The following ANKRD17 variants were observed in gnomAD, a reference collection of about 807,000 sequenced individuals.
ANKRD17 encodes ankyrin repeat domain-containing protein 17.
In ANKRD17, 19 loss-of-function variants were observed where a neutral mutation model predicts 229.7. The observed-to-expected ratio is 0.08, with a 90% CI of 0.06 to 0.12. The LOEUF (loss-of-function observed/expected upper bound fraction) is 0.12, where lower values mean the gene tolerates loss of function less well. Ranked by LOEUF, ANKRD17 falls within the 10% of genes least tolerant of loss-of-function variation. The pLI, the probability that ANKRD17 is intolerant of heterozygous loss-of-function variation, is 1.00. For missense variants in ANKRD17, 2,176 were observed against 3,176.8 expected (o/e 0.68, Z 7.57); for synonymous variants, 1,112 against 1,146.1 (o/e 0.97, Z 0.60).
At chr4:73,129,583 G>A (rs538321520) in intron 16 of ANKRD17, among the ~76,000 whole-genome samples, 5 of 152,118 alleles carry the variant, frequency 3.3e-5, no homozygotes, top group Non-Finnish European at 1.5e-5. Flanking sequence ...CAGAAGTGGT[G>A]TGCAATGCCT....
intron 1 of ANKRD17, among the ~76,000 whole-genome samples, chr4:73,197,530 T>C (rs900827691): frequency 6.6e-6 from 1 of 152,126 alleles, no homozygotes; most frequent in Non-Finnish European, 1.5e-5. Context: ...AAGAGAATCC[T>C]GTAAAAAGCA....
chr4:73,258,372 T>C lies in ANKRD17; in HGVS notation c.297A>G (p.Gly99=). Reference sequence around the variant, plus strand: ...CGCCACCTCCGCCTCCACCGCCGCCTCCACCGCCGCCGCTGTTGTCGCTGT... The same window carrying C: ...CGCCACCTCCGCCTCCACCGCCGCCCCCACCGCCGCCGCTGTTGTCGCTGT... The part of the protein sequence containing the change: ...SSDSDNSGGG[G]GGGGGGGGGG... The change falls in exon 1 of 34, where the codon GGA becomes GGG. Residue 99 remains glycine, a synonymous_variant. Transcript: ENST00000358602. The C allele has an allele frequency of 1.3e-6, 2 of 1,592,170 alleles. No individual in the cohort carries two copies. Among genetic ancestry groups the C allele is most frequent in the Non-Finnish European group, 1.7e-6 (2 of 1,167,392 alleles).
rs555338668 is a variant in ANKRD17, at chr4:73,100,653, C to T, written c.4573+1723G>A. Among the ~76,000 whole-genome samples the T allele has an allele frequency of 1.2e-4, 18 of 152,104 alleles. No individual in the cohort carries two copies. In the South Asian group the frequency reaches 3.5e-3, roughly 30 times the overall value. On this transcript the variant is annotated intron_variant, in intron 25 of 33. Transcript: ENST00000358602. Reference sequence around the variant, plus strand: ...AATCAAGTATCTGGGGGTGATTTCACATGATATGTATAGCTTACCTCAAAC... The same window carrying T: ...AATCAAGTATCTGGGGGTGATTTCATATGATATGTATAGCTTACCTCAAAC...
At chr4:73,077,180 T>C (rs1369831940) in intron 32 of ANKRD17, 76 bp from the exon 33 acceptor site, 2 of 1,438,432 alleles carry the variant, frequency 1.4e-6, no homozygotes, top group South Asian at 1.5e-5. Context: ...AGCCTTAAAA[T>C]TGATATTTGA....
intron 24 of ANKRD17, among the ~76,000 whole-genome samples, chr4:73,110,612 A>C (rs908026930): frequency 2.0e-5 from 3 of 152,262 alleles, no homozygotes; most frequent in South Asian, 2.1e-4. Context: ...AGAATGTAAT[A>C]TATCTCAAAA....
chr4:73,139,737 T>C lies in ANKRD17; in HGVS notation c.2879A>G (p.Gln960Arg), dbSNP rs756149239. The change falls in exon 15 of 34, where the codon CAA becomes CGA. Residue 960 changes from glutamine (Q) to arginine (R), a missense_variant. Coordinates refer to ENST00000358602, the MANE Select transcript of ANKRD17 (RefSeq NM_032217.5). ...GGGACCTGCCGCCAGAGGCAAAGCT[T>C]GAGGCATCGCCAGAGGCTGGATTGG... ...FAPIQPLAMP[Q>R]ALPLAAGPLP... 2 of 1,614,164 alleles carry C rather than the reference T, an allele frequency of 1.2e-6. No individual in the cohort carries two copies. Among genetic ancestry groups the C allele is most frequent in the Admixed American group, 3.3e-5 (2 of 60,020 alleles).
intron 1 of ANKRD17, among the ~76,000 whole-genome samples, chr4:73,211,192 T>A (rs1740206485): frequency 6.6e-6 from 1 of 152,006 alleles, no homozygotes; most frequent in South Asian, 2.1e-4. Flanking sequence ...CAGAAAATAG[T>A]AGGAGCTAAA....
intron 1 of ANKRD17, among the ~76,000 whole-genome samples, chr4:73,210,294 CAACA>C (rs1415298650): frequency 8.2e-6 from 1 of 122,450 alleles, no homozygotes; most frequent in African/African-American, 2.6e-5. Context: ...TACATATGAA[CAACA>C]AACAATTGCA....
intron 1 of ANKRD17, among the ~76,000 whole-genome samples, chr4:73,251,725 C>T (rs1745048786): frequency 6.6e-6 from 1 of 152,144 alleles, no homozygotes. Flanking sequence ...ATTAAATCCA[C>T]ATTTTTTAAC....
intron 16 of ANKRD17, among the ~76,000 whole-genome samples, chr4:73,126,936 T>C (rs1243195340): frequency 6.6e-6 from 1 of 152,182 alleles, no homozygotes; most frequent in Non-Finnish European, 1.5e-5. Context: ...ATGTGACTAT[T>C]AGCATTTGAA....
intron 2 of ANKRD17, among the ~76,000 whole-genome samples, chr4:73,169,258 A>G (rs915344543): frequency 6.6e-6 from 1 of 152,218 alleles, no homozygotes; most frequent in African/African-American, 2.4e-5. Context: ...GGCACATCAC[A>G]GCATTCTCAC....
chr4:73,249,159 G>T (rs1044958064), intron 1 of ANKRD17, among the ~76,000 whole-genome samples: 17 of 152,200 alleles, frequency 1.1e-4, no homozygotes, highest in African/African-American at 4.1e-4. Flanking sequence ...TCCAAAATAG[G>T]TTTCAATCAA....
In ANKRD17 at chr4:73,179,488, G is replaced by GTGTATATA. The variant is rs1491132715; in HGVS notation, c.394-1956_394-1955insTATATACA. 3.0e-3 allele frequency among the ~76,000 whole-genome samples: 144 copies of GTGTATATA among 48,156 alleles called. 1 individual carries two copies. Among genetic ancestry groups the GTGTATATA allele is most frequent in the East Asian group, 4.2e-3 (7 of 1,676 alleles). 31.6% of individuals were successfully genotyped at this position (48,156 alleles called of 152,430 possible). On this transcript the variant is annotated intron_variant, in intron 1 of 33. Transcript: ENST00000358602. ...TATATGTGTGTGTGTGTGTGTGTGT[G>GTGTATATA]TATATATATATATATATATATATAT...
At chr4:73,205,542 C>CA (rs532039819) in intron 1 of ANKRD17, among the ~76,000 whole-genome samples, 304 of 151,934 alleles carry the variant, frequency 2.0e-3, no homozygotes, top group African/African-American at 7.0e-3. Context: ...TACTGACATG[C>CA]AAAAAAATGC....
chr4:73,214,364 C>G (rs1385291897), intron 1 of ANKRD17, among the ~76,000 whole-genome samples: 1 of 152,250 alleles, frequency 6.6e-6, no homozygotes, highest in East Asian at 1.9e-4. Flanking sequence ...AACTTGTAAA[C>G]TGGGCAATAT....
At chr4:73,226,389 GTTTTTTT>G (rs1157719883) in intron 1 of ANKRD17, among the ~76,000 whole-genome samples, 4 of 87,612 alleles carry the variant, frequency 4.6e-5, no homozygotes, top group South Asian at 8.2e-4. Context: ...CTTTTCTTCT[GTTTTTTT>G]TTTTTTTTTT....
At chr4:73,132,105 AGTT>A (rs1336614300) in intron 16 of ANKRD17, among the ~76,000 whole-genome samples, 4 of 150,624 alleles carry the variant, frequency 2.7e-5, no homozygotes, top group Non-Finnish European at 5.9e-5. Context: ...TATAAAAACT[AGTT>A]GTTTTTTTTT....
intron 1 of ANKRD17, among the ~76,000 whole-genome samples, chr4:73,186,519 G>A (rs1736315624): frequency 6.6e-6 from 1 of 151,960 alleles, no homozygotes; most frequent in Admixed American, 6.5e-5. Context: ...ATTCATACTT[G>A]TCTATCAATT....
At chr4:73,133,592 C>T (rs1728520522) in intron 16 of ANKRD17, among the ~76,000 whole-genome samples, 2 of 151,942 alleles carry the variant, frequency 1.3e-5, no homozygotes, top group South Asian at 4.1e-4. Context: ...TGGGGTTTCA[C>T]CATGTTGGCC....
Sources: allele counts gnomAD v4.1 joint callset (sites outside exome capture counted in the v4.1 genomes callset), GRCh38; gene constraint gnomAD v4.1.1; transcripts MANE v1.5; gene names NCBI Gene and HGNC (gene_info 2026-07-23, HGNC 2026-07-21).